Variants in CDH23 observed in about 807,000 individuals in gnomAD.
CDH23 encodes cadherin-23.
In CDH23, 189 loss-of-function variants were observed where a neutral mutation model predicts 317.1. The observed-to-expected ratio is 0.60, with a 90% CI of 0.53 to 0.67. The LOEUF (loss-of-function observed/expected upper bound fraction) is 0.67, where lower values mean the gene tolerates loss of function less well. CDH23 is among the 30% of genes least tolerant of loss of function. The pLI is 0.00. For missense variants in CDH23, 4,401 were observed against 4,592.4 expected, an observed-to-expected ratio of 0.96 and a Z score of 1.20; for synonymous variants, 1,839 against 1,876.8, an observed-to-expected ratio of 0.98 and a Z score of 0.52.
Position 71,799,481 on chromosome 10 carries a change from C to T in CDH23, c.7225-11C>T. The T allele has an allele frequency of 6.2e-7, 1 of 1,614,006 alleles. No homozygotes were observed. Among genetic ancestry groups the T allele is most frequent in the Non-Finnish European group, 8.5e-7 (1 of 1,179,890 alleles). On this transcript the variant is annotated splice_polypyrimidine_tract_variant and intron_variant, in intron 51 of 69. Transcript: ENST00000224721. ...TTGGCCTACTCTCTCTCCCTGCCCC[C>T]TGGGCTCCAGGAGGCTGTCTTTGAG...
chr10:71,435,722 G>T (rs371981515), intron 1 of CDH23, among the ~76,000 whole-genome samples: 6 of 152,354 alleles, frequency 3.9e-5, no homozygotes, highest in African/African-American at 1.4e-4. Context: ...CCTGAGGATG[G>T]TGGAGGAAGC....
chr10:71,782,028 C>T (rs1381948463), intron 41 of CDH23, among the ~76,000 whole-genome samples: 3 of 152,202 alleles, frequency 2.0e-5, no homozygotes, highest in Non-Finnish European at 4.4e-5. Flanking sequence ...CATGGAGGGA[C>T]GTGCCTGGGA....
intron 1 of CDH23, among the ~76,000 whole-genome samples, chr10:71,430,080 G>A (rs1849298179): frequency 1.3e-5 from 2 of 152,192 alleles, no homozygotes; most frequent in South Asian, 2.1e-4. Context: ...GGCACAGGGA[G>A]AACACAGGGT....
chr10:71,791,108 C>T, intron 46 of CDH23, 24 bp from the exon 47 acceptor site: 1 of 1,582,890 alleles, frequency 6.3e-7, no homozygotes, highest in South Asian at 1.1e-5. Context: ...GTGTGTTTCC[C>T]TGGCTGGCGG....
At chr10:71,524,598 T>C (rs1854918004) in intron 6 of CDH23, among the ~76,000 whole-genome samples, 1 of 152,126 alleles carries the variant, frequency 6.6e-6, no homozygotes, top group African/African-American at 2.4e-5. Context: ...CACATCAGAA[T>C]TCCTGGAACC....
intron 38 of CDH23, among the ~76,000 whole-genome samples, chr10:71,754,398 G>A (rs917547425): frequency 6.6e-6 from 1 of 152,110 alleles, no homozygotes; most frequent in East Asian, 1.9e-4. Flanking sequence ...AATAAGTTGC[G>A]AGCCAAAAGC....
intron 48 of CDH23, among the ~76,000 whole-genome samples, chr10:71,796,524 C>T (rs934940790): frequency 6.6e-6 from 1 of 152,228 alleles, no homozygotes; most frequent in African/African-American, 2.4e-5. Context: ...CAGGGAACCC[C>T]TCAGGGCTTT....
chr10:71,517,632 G>A (rs1854411441), intron 6 of CDH23, among the ~76,000 whole-genome samples: 1 of 152,216 alleles, frequency 6.6e-6, no homozygotes, highest in Non-Finnish European at 1.5e-5. Context: ...CCACTCATGA[G>A]CGTGTCATCT....
At chr10:71,461,615 C>G (rs576277476) in intron 3 of CDH23, among the ~76,000 whole-genome samples, 1 of 152,242 alleles carries the variant, frequency 6.6e-6, no homozygotes, top group South Asian at 2.1e-4. Context: ...CATGCTTGTA[C>G]ATCTCCATGC....
At chr10:71,808,052 A>G (rs747610334) in intron 60 of CDH23, 45 bp downstream of exon 60, 3 of 1,555,108 alleles carry the variant, frequency 1.9e-6, no homozygotes, top group Non-Finnish European at 2.6e-6. Flanking sequence ...ATGACCTCTC[A>G]GTCACTGCAT....
intron 9 of CDH23, among the ~76,000 whole-genome samples, chr10:71,583,508 G>A (rs890074064): frequency 5.3e-5 from 8 of 152,228 alleles, no homozygotes; most frequent in Admixed American, 4.6e-4. Context: ...GACAGTCACA[G>A]CCCCGACTGC....
intron 69 of CDH23, 44 bp from the exon 70 acceptor site, chr10:71,814,908 C>G (rs777766761): frequency 6.4e-7 from 1 of 1,553,076 alleles, no homozygotes; most frequent in African/African-American, 1.4e-5. Context: ...CTGCTCACCC[C>G]TTGGGCATGG....
intron 1 of CDH23, among the ~76,000 whole-genome samples, chr10:71,436,963 A>G (rs1284916005): frequency 6.6e-6 from 1 of 152,256 alleles, no homozygotes; most frequent in Non-Finnish European, 1.5e-5. Flanking sequence ...GCTTCTTTGC[A>G]GGATATGATA....
intron 3 of CDH23, among the ~76,000 whole-genome samples, chr10:71,502,815 T>A (rs1292009416): frequency 6.6e-6 from 1 of 152,176 alleles, no homozygotes; most frequent in African/African-American, 2.4e-5. Flanking sequence ...GCAGGGTATG[T>A]TCTCACACCG....
rs563900011 is a variant in CDH23, at chr10:71,765,907, G to A, written c.4846-11773G>A. On this transcript the variant is annotated intron_variant, in intron 38 of 69. Coordinates refer to ENST00000224721, the MANE Select transcript of CDH23 (RefSeq NM_022124.6). ...ACAGGACAAACCAAGGGTCCACAGG[G>A]GTTTGTCCTGGGGAGGGAGGGAAGG... is the stretch of plus-strand genomic sequence containing the variant. 1.2e-3 allele frequency among the ~76,000 whole-genome samples: 182 copies of A among 152,234 alleles called. 2 individuals are homozygous for A. The highest frequency in any genetic ancestry group is 4.1e-3 in the African/African-American group (170 of 41,530).
chr10:71,668,507 C>T (rs548703062), intron 14 of CDH23, among the ~76,000 whole-genome samples: 24 of 152,284 alleles, frequency 1.6e-4, no homozygotes, highest in African/African-American at 2.6e-4. Context: ...CATGTTCTAG[C>T]GCTGTGACTG....
chr10:71,526,032 G>C (rs1231999750), intron 6 of CDH23, among the ~76,000 whole-genome samples: 1 of 152,234 alleles, frequency 6.6e-6, no homozygotes. Context: ...CACAGCAACA[G>C]GATGCAAGAC....
intron 19 of CDH23, among the ~76,000 whole-genome samples, chr10:71,690,169 C>T (rs930329743): frequency 1.5e-4 from 23 of 152,138 alleles, no homozygotes; most frequent in Non-Finnish European, 2.9e-4. Context: ...ATATAGTGGC[C>T]AGCCAAGCAG....
intron 31 of CDH23, among the ~76,000 whole-genome samples, chr10:71,731,012 C>T (rs927591334): frequency 3.9e-5 from 6 of 152,254 alleles, no homozygotes; most frequent in African/African-American, 1.4e-4. Context: ...CAGGGCCTAG[C>T]ACACGCAGAC....
Sources: allele counts gnomAD v4.1 joint callset (sites outside exome capture counted in the v4.1 genomes callset), GRCh38; gene constraint gnomAD v4.1.1; transcripts MANE v1.5; gene names NCBI Gene and HGNC (gene_info 2026-07-23, HGNC 2026-07-21).